Variants in LRP1-AS observed in about 807,000 individuals in gnomAD.
LRP1-AS encodes the protein LRP1 antisense RNA.
chr12:57,144,868 C>G, exon 2 of LRP1-AS: 1 of 1,172,760 alleles, frequency 8.5e-7, no homozygotes, highest in Non-Finnish European at 1.3e-6. Flanking sequence ...AACTGTCCTT[C>G]AAGGTAGCTG....
chr12:57,144,750 C>A (rs1031370214), exon 2 of LRP1-AS: 28 of 574,032 alleles, frequency 4.9e-5, no homozygotes, highest in Non-Finnish European at 8.4e-5. Context: ...TAAATCTTCC[C>A]TGCGTGGATG....
chr12:57,147,575 C>T (rs1033392278), exon 1 of LRP1-AS: 4 of 152,224 alleles, frequency 2.6e-5, no homozygotes, highest in Non-Finnish European at 5.9e-5. Flanking sequence ...TGACTGTGAC[C>T]TCTGTTGGAC....
intron 1 of LRP1-AS, chr12:57,146,469 A>G (rs1453548044): frequency 1.3e-5 from 2 of 152,194 alleles, no homozygotes; most frequent in Non-Finnish European, 2.9e-5. Context: ...GAAGTTGAGG[A>G]TTGTGAACCT....
chr12:57,145,107 G>A (rs773701173), intron 1 of LRP1-AS: 3 of 1,613,832 alleles, frequency 1.9e-6, no homozygotes, highest in South Asian at 2.2e-5. Flanking sequence ...AACGGTGGGT[G>A]GGGTTGCCTC....
At chr12:57,145,142 C>T (rs2035376837) in intron 1 of LRP1-AS, 1 of 1,613,678 alleles carries the variant, frequency 6.2e-7, no homozygotes, top group Non-Finnish European at 8.5e-7. Flanking sequence ...ACTAAGCCCC[C>T]TCAATGCTGT....
intron 1 of LRP1-AS, among the ~76,000 whole-genome samples, chr12:57,145,936 C>T (rs570987679): frequency 2.6e-5 from 4 of 152,228 alleles, no homozygotes; most frequent in South Asian, 2.1e-4. Context: ...TCGTTTCCCT[C>T]GGGGACCATT....
chr12:57,147,460 G>C (rs1474396746), exon 1 of LRP1-AS: 2 of 152,202 alleles, frequency 1.3e-5, no homozygotes, highest in African/African-American at 2.4e-5. Flanking sequence ...CTGCTGGCCT[G>C]TAATTAGCTC....
At chr12:57,145,500 C>G in intron 1 of LRP1-AS, 1 of 1,610,954 alleles carries the variant, frequency 6.2e-7, no homozygotes, top group South Asian at 1.1e-5. Flanking sequence ...CGTGAGTCAC[C>G]TGCTCTCAGC....
chr12:57,145,372 C>T (rs766270144), intron 1 of LRP1-AS: 48 of 1,614,054 alleles, frequency 3.0e-5, no homozygotes, highest in Non-Finnish European at 3.9e-5. Context: ...CCAACGAGAC[C>T]GTATGCTGGG....
chr12:57,144,828 G>A, exon 2 of LRP1-AS: 1 of 802,962 alleles, frequency 1.2e-6, no homozygotes. Flanking sequence ...GTTAAGGTTT[G>A]CACATTTCAT....
At chr12:57,145,166 G>C (rs1592606812) in intron 1 of LRP1-AS, 2 of 1,613,150 alleles carry the variant, frequency 1.2e-6, no homozygotes, top group Non-Finnish European at 1.7e-6. Flanking sequence ...CTGGTGGGTG[G>C]TGGCCTGAGA....
At chr12:57,144,687 A>G in exon 2 of LRP1-AS, 1 of 456,816 alleles carries the variant, frequency 2.2e-6, no homozygotes, top group Non-Finnish European at 4.0e-6. Context: ...ATGTGGGTCT[A>G]TTTTAAAGTT....
rs146727730 is a variant in LRP1-AS, at chr12:57,146,278, G to C, written n.181+1161C>G. On this transcript the variant is annotated intron_variant and non_coding_transcript_variant, in intron 1 of 1. Transcript: ENST00000555461. ...AAAGAAATGCACCACAGGGCTGAGA[G>C]GAAGAATCTGGCCTGTGGTTGATCT... Among the ~76,000 whole-genome samples, 6 of 152,280 alleles carry C rather than the reference G, an allele frequency of 3.9e-5. 1 individual carries two copies. Among genetic ancestry groups the C allele is most frequent in the Middle Eastern group, 3.4e-3 (1 of 294 alleles).
intron 1 of LRP1-AS, among the ~76,000 whole-genome samples, chr12:57,146,037 C>A (rs1035704970): frequency 2.6e-5 from 4 of 152,122 alleles, no homozygotes; most frequent in East Asian, 1.9e-4. Flanking sequence ...GGGAGAGGAG[C>A]GTGAGCCACA....
At chr12:57,145,599 G>C in intron 1 of LRP1-AS, 1 of 1,393,878 alleles carries the variant, frequency 7.2e-7, no homozygotes, top group Non-Finnish European at 9.8e-7. Context: ...TCCTGTCTGG[G>C]GCAGGAGAAG....
intron 1 of LRP1-AS, among the ~76,000 whole-genome samples, chr12:57,145,693 T>C (rs1490308419): frequency 2.0e-5 from 3 of 152,200 alleles, no homozygotes; most frequent in Non-Finnish European, 4.4e-5. Context: ...AGCAAGTGTC[T>C]GGATGGCCCC....
intron 1 of LRP1-AS, among the ~76,000 whole-genome samples, chr12:57,145,793 A>G (rs2035393680): frequency 6.6e-6 from 1 of 152,120 alleles, no homozygotes; most frequent in African/African-American, 2.4e-5. Context: ...AGTGTTGACT[A>G]GACTGCAGAG....
chr12:57,144,903 C>G lies in LRP1-AS; in HGVS notation n.362G>C, dbSNP rs2035369654. ...GTAAGGATGGACATGTTGATCATGT[C>G]TGATGATCACCCACTTCGTTGCCCT... On this transcript the variant is annotated non_coding_transcript_exon_variant, in exon 2 of 2. Coordinates refer to ENST00000555461, the Ensembl canonical transcript of LRP1-AS. 1.0e-5 allele frequency: 15 copies of G among 1,463,948 alleles called. No individual in the cohort carries two copies. The South Asian group carries it at 1.7e-4, about 17-fold the overall frequency. 90.7% of individuals were successfully genotyped at this position (1,463,948 alleles called of 1,614,324 possible).
intron 1 of LRP1-AS, among the ~76,000 whole-genome samples, chr12:57,147,152 A>G (rs528539968): frequency 1.3e-5 from 2 of 151,660 alleles, no homozygotes; most frequent in Non-Finnish European, 2.9e-5. Context: ...AGGCTAGAAG[A>G]GTCCAAGGGG....
Sources: gnomAD v4.1 joint callset for allele counts (sites outside exome capture counted in the v4.1 genomes callset) on GRCh38, gnomAD v4.1.1 for gene constraint, MANE v1.5 for transcripts, NCBI Gene and HGNC (gene_info 2026-07-23, HGNC 2026-07-21) for gene names.